Variants in CFAP69 observed in about 807,000 individuals in gnomAD.
The protein encoded by CFAP69 is cilia and flagella associated protein 69.
Under a neutral mutation model 123.0 loss-of-function variants are expected in CFAP69, and 92 were observed. That is an observed-to-expected ratio of 0.75 (90% CI 0.63 to 0.89). The LOEUF (loss-of-function observed/expected upper bound fraction) is 0.89. Among genes scored for constraint, CFAP69 ranks in the 40% least tolerant of loss-of-function variants. The pLI, the probability that CFAP69 is intolerant of heterozygous loss-of-function variation, is 0.00. For missense variants in CFAP69, 1,067 were observed against 1,096.9 expected (o/e 0.97, Z 0.39); for synonymous variants, 380 against 364.3 (o/e 1.04, Z -0.49).
At chr7:90,302,911 A>G (rs1004186163) in intron 17 of CFAP69, 8 of 152,200 alleles carry the variant, frequency 5.3e-5, no homozygotes, top group African/African-American at 1.9e-4. Flanking sequence ...TTTGGGCAGT[A>G]TAACCATTTT....
Position 90,309,251 on chromosome 7 carries a change from A to G in CFAP69, c.2551-12A>G, listed in dbSNP as rs1794025315. ...GCAATTAATATTTTCTTTCTAATTT[A>G]AAAATCCTCAGAAAGCAAAAAGCCT... On this transcript the variant is annotated splice_polypyrimidine_tract_variant and intron_variant, in intron 21 of 22. Transcript: ENST00000389297. The G allele has an allele frequency of 1.5e-6, 2 of 1,309,154 alleles. No individual in the cohort carries two copies. The highest frequency in any genetic ancestry group is 1.5e-5 in the African/African-American group (1 of 66,644). 81.1% of individuals were successfully genotyped at this position (1,309,154 alleles called of 1,614,324 possible).
chr7:90,284,810 A>C (rs1790026106), intron 13 of CFAP69, among the ~76,000 whole-genome samples: 1 of 152,224 alleles, frequency 6.6e-6, no homozygotes, highest in South Asian at 2.1e-4. Context: ...TATGAAGATA[A>C]ATAACACAAG....
intron 15 of CFAP69, among the ~76,000 whole-genome samples, chr7:90,292,570 C>T (rs889638460): frequency 2.6e-5 from 4 of 152,114 alleles, no homozygotes; most frequent in Non-Finnish European, 5.9e-5. Flanking sequence ...AAATTAAGAA[C>T]ACTCACGAAT....
chr7:90,268,505 T>A, intron 6 of CFAP69, 121 bp downstream of exon 6: 1 of 664,806 alleles, frequency 1.5e-6, no homozygotes, highest in Non-Finnish European at 2.5e-6. Flanking sequence ...AAAAGAAAAC[T>A]TTTTTGTAGT....
chr7:90,289,707 C>A (rs144463573), intron 15 of CFAP69, among the ~76,000 whole-genome samples: 27 of 152,244 alleles, frequency 1.8e-4, no homozygotes, highest in Non-Finnish European at 3.2e-4. Context: ...ACCCCATAGT[C>A]ATGAAGATCA....
chr7:90,296,317 T>G (rs1791955103), intron 15 of CFAP69, among the ~76,000 whole-genome samples: 1 of 151,026 alleles, frequency 6.6e-6, no homozygotes, highest in Non-Finnish European at 1.5e-5. Flanking sequence ...GCACGGTTTT[T>G]TGTTGTTATT....
intron 11 of CFAP69, 90 bp downstream of exon 11, chr7:90,277,424 G>T: frequency 9.0e-7 from 1 of 1,105,900 alleles, no homozygotes; most frequent in Non-Finnish European, 1.2e-6. Context: ...ATATTTTATC[G>T]GTTCATATAT....
At chr7:90,316,212 G>A in the CFAP69 span, among the ~76,000 whole-genome samples, 1 of 152,186 alleles carries the variant, frequency 6.6e-6, no homozygotes, top group African/African-American at 2.4e-5. Flanking sequence ...TAGATCCTTT[G>A]CCACCTTTTT....
intron 1 of CFAP69, among the ~76,000 whole-genome samples, chr7:90,248,642 T>C (rs1796600705): frequency 6.6e-6 from 1 of 152,236 alleles, no homozygotes; most frequent in African/African-American, 2.4e-5. Flanking sequence ...TCATTCCATG[T>C]TGTGAACTTC....
intron 9 of CFAP69, 101 bp from the exon 10 acceptor site, chr7:90,276,969 TAGG>T (rs1475021388): frequency 2.5e-6 from 2 of 798,118 alleles, no homozygotes; most frequent in African/African-American, 1.8e-5. Flanking sequence ...TGAATGACAG[TAGG>T]AGAATTTGAT....
At chr7:90,292,499 C>G (rs907828994) in intron 15 of CFAP69, among the ~76,000 whole-genome samples, 1 of 152,142 alleles carries the variant, frequency 6.6e-6, no homozygotes, top group Non-Finnish European at 1.5e-5. Context: ...CCAATTGTGT[C>G]CTGTTGCAAA....
chr7:90,248,116 T>C (rs1796548565), intron 1 of CFAP69, among the ~76,000 whole-genome samples: 1 of 152,212 alleles, frequency 6.6e-6, no homozygotes, highest in South Asian at 2.1e-4. Flanking sequence ...TTACTTGCTT[T>C]AATGCAGATT....
intron 21 of CFAP69, 146 bp from the exon 22 acceptor site, chr7:90,309,117 C>G: frequency 2.3e-6 from 1 of 439,348 alleles, no homozygotes; most frequent in Non-Finnish European, 4.1e-6. Flanking sequence ...TCTTTTTAGT[C>G]TAAATGAGTA....
chr7:90,254,776 G>A (rs1000731558), intron 1 of CFAP69, among the ~76,000 whole-genome samples: 16 of 152,264 alleles, frequency 1.1e-4, no homozygotes, highest in African/African-American at 2.9e-4. Context: ...TAGTTTAGAC[G>A]GGTCATGTTC....
chr7:90,254,364 C>T (rs893075773), intron 1 of CFAP69, among the ~76,000 whole-genome samples: 13 of 152,096 alleles, frequency 8.5e-5, no homozygotes, highest in African/African-American at 2.9e-4. Flanking sequence ...TTTCCTTCCC[C>T]GTTTACCTAT....
intron 12 of CFAP69, among the ~76,000 whole-genome samples, chr7:90,280,613 T>C (rs952823676): frequency 6.6e-6 from 1 of 152,220 alleles, no homozygotes; most frequent in Non-Finnish European, 1.5e-5. Context: ...AAAATAAATA[T>C]CCTTTTCTCT....
Position 90,277,316 on chromosome 7 carries a change from A to G in CFAP69, c.1137A>G (p.Lys379=), listed in dbSNP as rs763725091. Residue 379 remains lysine (K), a synonymous_variant, in exon 11 of 23, where the codon AAA becomes AAG. Coordinates refer to ENST00000389297, the MANE Select transcript of CFAP69 (RefSeq NM_001039706.3). ...TCAACGTAATTGTGATCTTATGTAA[A>G]GATTTACCTACTGTACAGGTAAAGA... The part of the protein sequence containing the change: ...LLFNVIVILC[K]DLPTVQLLID... 1 of 1,572,628 alleles carries G rather than the reference A, an allele frequency of 6.4e-7. No homozygotes were observed. The highest frequency in any genetic ancestry group is 8.6e-7 in the Non-Finnish European group (1 of 1,163,626).
At chr7:90,272,983 A>G (rs1456975246) in intron 8 of CFAP69, among the ~76,000 whole-genome samples, 1 of 152,216 alleles carries the variant, frequency 6.6e-6, no homozygotes, top group Admixed American at 6.5e-5. Flanking sequence ...AAAGTCAGGA[A>G]GGAGTAAATG....
At position 90,252,145 on chromosome 7, in the gene CFAP69, T is replaced by TGTGTGTGTGC. The variant is rs1426837412; in HGVS notation, c.121-3277_121-3276insTGTGTGTGCG. On this transcript the variant is annotated intron_variant, in intron 1 of 22. Transcript: ENST00000389297. ...GTGTGTGTGTGTGTGTGTGTGTGTGTGCATGCGCGTATAAAATCTGAGAGT... is the reference window on the plus strand; with the variant it reads ...GTGTGTGTGTGTGTGTGTGTGTGTGTGTGTGTGTGCGCATGCGCGTATAAAATCTGAGAGT... 8 of 140,278 alleles carry TGTGTGTGTGC rather than the reference T, an allele frequency of 5.7e-5. 1 individual carries two copies. In the East Asian group the frequency reaches 1.0e-3, roughly 18 times the overall value. 8.7% of individuals were successfully genotyped at this position (140,278 alleles called of 1,614,324 possible).
Sources: allele counts gnomAD v4.1 joint callset (sites outside exome capture counted in the v4.1 genomes callset), GRCh38; gene constraint gnomAD v4.1.1; transcripts MANE v1.5; gene names NCBI Gene and HGNC (gene_info 2026-07-23, HGNC 2026-07-21).